INPP5A: variants seen among roughly 807,000 people sequenced by gnomAD.
INPP5A encodes the protein inositol polyphosphate-5-phosphatase A.
In INPP5A, 14 loss-of-function variants were observed where a neutral mutation model predicts 65.2. The ratio of observed to expected loss-of-function variants is 0.21; its 90% CI spans 0.14 to 0.34. INPP5A has a LOEUF of 0.34. INPP5A is among the 10% of genes least tolerant of loss of function. The pLI, the probability that INPP5A is intolerant of heterozygous loss-of-function variation, is 1.00. For synonymous variants in INPP5A, 207 were observed against 208.3 expected (o/e 0.99, Z 0.05); for missense variants, 431 against 545.6 (o/e 0.79, Z 2.09).
intron 4 of INPP5A, among the ~76,000 whole-genome samples, chr10:132,672,411 G>A (rs934479141): frequency 6.6e-6 from 1 of 152,218 alleles, no homozygotes; most frequent in African/African-American, 2.4e-5. Flanking sequence ...CCCTGCGGGA[G>A]GCAAGGGGAT....
rs1010590062 is a variant in INPP5A, at chr10:132,725,000, A to G, written c.648-1821A>G. Among the ~76,000 whole-genome samples the G allele has an allele frequency of 2.0e-5, 3 of 146,350 alleles. No individual in the cohort carries two copies. The Admixed American group carries it at 2.1e-4, about 10-fold the overall frequency. On this transcript the variant is annotated intron_variant, in intron 8 of 15. Coordinates refer to ENST00000368594, the MANE Select transcript of INPP5A (RefSeq NM_005539.5). ...GCCATATTCACCACAGACGGGGGTC[A>G]CTCTCCAGAACTCACGGGGGGCCCC...
chr10:132,777,612 T>A, intron 12 of INPP5A, 59 bp from the exon 13 acceptor site: 1 of 1,507,276 alleles, frequency 6.6e-7, no homozygotes, highest in Non-Finnish European at 9.2e-7. Context: ...CAGCCGTCCC[T>A]TTGGGGCTGA....
At chr10:132,577,707 G>T (rs2133294502) in intron 1 of INPP5A, among the ~76,000 whole-genome samples, 1 of 152,376 alleles carries the variant, frequency 6.6e-6, no homozygotes. Flanking sequence ...GATGAGGTGG[G>T]AAAGTGCAGC....
intron 11 of INPP5A, among the ~76,000 whole-genome samples, chr10:132,757,904 C>T (rs1846657362): frequency 6.7e-6 from 1 of 150,230 alleles, no homozygotes; most frequent in Non-Finnish European, 1.5e-5. Context: ...ACCCCACAGG[C>T]CAGTGCGATG....
intron 6 of INPP5A, among the ~76,000 whole-genome samples, chr10:132,702,661 G>C (rs1247641355): frequency 1.3e-5 from 2 of 152,208 alleles, no homozygotes; most frequent in Non-Finnish European, 2.9e-5. Flanking sequence ...GGGCCCTACT[G>C]CCTGCCTGGA....
chr10:132,777,193 TC>T (rs891250976), intron 12 of INPP5A, among the ~76,000 whole-genome samples: 11 of 152,186 alleles, frequency 7.2e-5, no homozygotes, highest in African/African-American at 2.4e-4. Context: ...ACCTGGATGC[TC>T]CCCGAGGTGG....
chr10:132,564,261 T>C (rs1378919729), intron 1 of INPP5A, among the ~76,000 whole-genome samples: 1 of 152,100 alleles, frequency 6.6e-6, no homozygotes, highest in Non-Finnish European at 1.5e-5. Flanking sequence ...CACATGATCC[T>C]GGGGAGGGAA....
chr10:132,727,093 G>A lies in INPP5A; in HGVS notation c.732+188G>A, dbSNP rs374675212. 5 of 450,084 alleles carry A rather than the reference G, an allele frequency of 1.1e-5. No individual in the cohort carries two copies. The highest frequency in any genetic ancestry group is 4.0e-6 in the Non-Finnish European group (1 of 252,114). 27.9% of individuals were successfully genotyped at this position (450,084 alleles called of 1,614,324 possible). On this transcript the variant is annotated intron_variant, in intron 9 of 15. Transcript: ENST00000368594. This position sits in a 1 kb window ranked among gnomAD's most constrained non-coding sequence, Gnocchi z 6.5. ...GGCAGAGGGATCCGTGTTGGAATCC[G>A]GGGTGCGCGGGCCCTCAAGGTTGCC...
intron 1 of INPP5A, among the ~76,000 whole-genome samples, chr10:132,588,602 C>G (rs1590849822): frequency 6.6e-6 from 1 of 152,236 alleles, no homozygotes; most frequent in African/African-American, 2.4e-5. Flanking sequence ...TTCCCACCCC[C>G]CAGCACAGCG....
intron 1 of INPP5A, among the ~76,000 whole-genome samples, chr10:132,569,476 C>T (rs1051708487): frequency 1.3e-5 from 2 of 152,090 alleles, no homozygotes; most frequent in African/African-American, 4.8e-5. Flanking sequence ...CCCAACTCAG[C>T]CCCCTGAGTA....
At chr10:132,725,880 T>C (rs1488969220) in intron 8 of INPP5A, among the ~76,000 whole-genome samples, 1 of 152,200 alleles carries the variant, frequency 6.6e-6, no homozygotes, top group Non-Finnish European at 1.5e-5. Context: ...GTATTTCCTT[T>C]TTTTGTCTAC....
intron 1 of INPP5A, among the ~76,000 whole-genome samples, chr10:132,599,449 A>G (rs191658916): frequency 2.0e-3 from 303 of 152,272 alleles, no homozygotes; most frequent in Non-Finnish European, 3.7e-3. Context: ...TGCTCCCACG[A>G]TCTTGGGCAG....
intron 2 of INPP5A, among the ~76,000 whole-genome samples, chr10:132,624,519 C>T (rs1346930798): frequency 6.7e-6 from 1 of 148,166 alleles, no homozygotes; most frequent in Non-Finnish European, 1.5e-5. Flanking sequence ...TGCACTTCCA[C>T]CGGCGTGTCT....
In INPP5A at chr10:132,682,049, A is replaced by AAGAGCGGGAAGGGG. The variant is rs1341152367; in HGVS notation, c.307-8329_307-8316dup. 8.5e-5 allele frequency among the ~76,000 whole-genome samples: 13 copies of AAGAGCGGGAAGGGG among 152,116 alleles called. No individual in the cohort carries two copies. In the East Asian group the frequency reaches 1.5e-3, roughly 18 times the overall value. On this transcript the variant is annotated intron_variant, in intron 4 of 15. Coordinates refer to ENST00000368594, the MANE Select transcript of INPP5A (RefSeq NM_005539.5). ...CAGGGGCTGGGGAGAGCGGGAAGGG[A>AAGAGCGGGAAGGGG]AGAGCGGGAAGGGGAGAGCGGGAAG...
intron 8 of INPP5A, among the ~76,000 whole-genome samples, chr10:132,720,023 G>GGA (rs1425457727): frequency 4.6e-5 from 7 of 150,714 alleles, no homozygotes; most frequent in South Asian, 2.1e-4. Flanking sequence ...GGTTCTGTCT[G>GGA]GGCGCCTTAG....
chr10:132,736,910 G>A (rs908691503), intron 9 of INPP5A, among the ~76,000 whole-genome samples: 7 of 152,332 alleles, frequency 4.6e-5, no homozygotes, highest in African/African-American at 1.7e-4. Context: ...CGGCTGCCTT[G>A]TTGAGCCCCT....
chr10:132,749,808 T>G lies in INPP5A; in HGVS notation c.866T>G (p.Phe289Cys). 1 of 1,613,238 alleles carries G rather than the reference T, an allele frequency of 6.2e-7. No individual in the cohort carries two copies. The highest frequency in any genetic ancestry group is 8.5e-7 in the Non-Finnish European group (1 of 1,179,996). ...LQLEKKLFDY[F>C]NQEVFRDNNG... ...TTAGAAAAGAAACTCTTCGACTACTTCAACCAGGAGGTTTTCCGAGACAAC... is the reference window on the plus strand; with the variant it reads ...TTAGAAAAGAAACTCTTCGACTACTGCAACCAGGAGGTTTTCCGAGACAAC... The change falls in exon 11 of 16, where the codon TTC becomes TGC. Residue 289 changes from phenylalanine (F) to cysteine (C), a missense_variant. By Grantham distance (205) the Phe-to-Cys change is radical. Coordinates refer to ENST00000368594, the MANE Select transcript of INPP5A (RefSeq NM_005539.5).
At chr10:132,724,904 C>T (rs987614432) in intron 8 of INPP5A, among the ~76,000 whole-genome samples, 13 of 141,716 alleles carry the variant, frequency 9.2e-5, no homozygotes, top group Admixed American at 2.9e-4. Context: ...CAGGAGCACA[C>T]GCCGTATTCA....
intron 1 of INPP5A, among the ~76,000 whole-genome samples, chr10:132,567,778 C>G (rs1266411506): frequency 1.3e-5 from 2 of 152,142 alleles, no homozygotes; most frequent in Admixed American, 1.3e-4. Context: ...TTAATGTTCT[C>G]TACATATAAA....
Sources: gnomAD v4.1 joint callset for allele counts (sites outside exome capture counted in the v4.1 genomes callset) on GRCh38, gnomAD v4.1.1 for gene constraint, Gnocchi (gnomAD v3.1) non-coding constraint, MANE v1.5 for transcripts, NCBI Gene and HGNC (gene_info 2026-07-23, HGNC 2026-07-21) for gene names.